Variants in PCDHA12 observed in about 807,000 individuals in gnomAD.
PCDHA12 encodes protocadherin alpha 12, also known as protocadherin alpha-12.
In PCDHA12, 44 loss-of-function variants were observed where a neutral mutation model predicts 60.0. The ratio of observed to expected loss-of-function variants is 0.73; its 90% confidence interval spans 0.58 to 0.94. PCDHA12 has a LOEUF of 0.94. Among genes scored for constraint, PCDHA12 ranks in the 40% least tolerant of loss-of-function variants. The pLI is 0.00. For synonymous variants in PCDHA12, 569 were observed against 553.0 expected (o/e 1.03, Z -0.40); for missense variants, 1,276 against 1,239.7 (o/e 1.03, Z -0.44).
At chr5:140,985,999 A>G (rs932659753) in intron 3 of PCDHA12, among the ~76,000 whole-genome samples, 10 of 152,104 alleles carry the variant, frequency 6.6e-5, no homozygotes, top group Non-Finnish European at 1.5e-4. Flanking sequence ...TCAGCCTCCC[A>G]AAGTGCTGGG....
intron 1 of PCDHA12, among the ~76,000 whole-genome samples, chr5:140,915,956 A>G (rs1170172761): frequency 6.6e-6 from 1 of 151,996 alleles, no homozygotes; most frequent in African/African-American, 2.4e-5. Flanking sequence ...ATACTTAGAA[A>G]TTTGCCTGAT....
At position 140,876,322 on chromosome 5, in the gene PCDHA12, A is replaced by G. The variant is rs146464308; in HGVS notation, c.850A>G (p.Ile284Val). The change falls in exon 1 of 4, where the codon ATT (isoleucine) becomes GTT (valine). Residue 284 changes from isoleucine to valine, a missense_variant. Coordinates refer to ENST00000398631, the MANE Select transcript of PCDHA12 (RefSeq NM_018903.4). ...NGEISYGIKM[I>V]LPVSEKCMFS... ...AGAAATTTCCTATGGGATCAAAATG[A>G]TTTTGCCAGTGAGTGAGAAATGTAT... 6.2e-7 allele frequency: 1 copy of G among 1,614,034 alleles called. No homozygotes were observed. The highest frequency in any genetic ancestry group is 8.5e-7 in the Non-Finnish European group (1 of 1,179,906).
intron 1 of PCDHA12, among the ~76,000 whole-genome samples, chr5:140,917,338 G>GGGGGGGGTGGGT (rs2078134893): frequency 7.3e-6 from 1 of 137,894 alleles, no homozygotes; most frequent in Non-Finnish European, 1.6e-5. Flanking sequence ...GGAGGGGGGG[G>GGGGGGGGTGGGT]ATGGTGTAGG....
In PCDHA12 at chr5:141,006,613, A is replaced by G. The variant is rs543043401; in HGVS notation, c.2516-3014A>G. 2.0e-5 allele frequency among the ~76,000 whole-genome samples: 3 copies of G among 152,308 alleles called. No individual in the cohort carries two copies. In the South Asian group the frequency reaches 6.2e-4, roughly 32 times the overall value. Reference sequence around the variant, plus strand: ...AGCAAAAGTGGAAGCAGACTGAATAAGGAGACTATTGCTGCAATTCATATA... The same window carrying G: ...AGCAAAAGTGGAAGCAGACTGAATAGGGAGACTATTGCTGCAATTCATATA... On this transcript the variant is annotated intron_variant, in intron 3 of 3. Coordinates refer to ENST00000398631, the MANE Select transcript of PCDHA12 (RefSeq NM_018903.4).
chr5:140,900,342 A>T (rs965236795), intron 1 of PCDHA12, among the ~76,000 whole-genome samples: 3 of 152,034 alleles, frequency 2.0e-5, no homozygotes, highest in South Asian at 2.1e-4. Context: ...CCGTGGCGCA[A>T]TCTTGGCTCA....
chr5:140,889,028 C>G (rs1015343865), intron 1 of PCDHA12, among the ~76,000 whole-genome samples: 1 of 151,754 alleles, frequency 6.6e-6, no homozygotes. Flanking sequence ...CTTGGATAAC[C>G]GTAATTTGAT....
intron 1 of PCDHA12, among the ~76,000 whole-genome samples, chr5:140,893,506 A>AT (rs1270469461): frequency 6.6e-6 from 1 of 152,170 alleles, no homozygotes; most frequent in African/African-American, 2.4e-5. Context: ...AGAAAAAAAA[A>AT]GCAGTTGTAG....
intron 3 of PCDHA12, among the ~76,000 whole-genome samples, chr5:140,983,479 G>A (rs1297150913): frequency 1.3e-5 from 2 of 152,194 alleles, no homozygotes; most frequent in Non-Finnish European, 2.9e-5. Context: ...GATAATAGTA[G>A]TTACTAATTA....
rs1255699815 is a variant in PCDHA12, at chr5:140,984,173, C to T, written c.2515+1610C>T. On this transcript the variant is annotated intron_variant, in intron 3 of 3. Transcript: ENST00000398631. The stretch of plus-strand genomic sequence containing the variant: ...AGGTGAGAACTTCCCAAAGAAGCCA[C>T]GTGAAATCATGACTTTCTACCTTGC... Among the ~76,000 whole-genome samples, 5 of 152,166 alleles carry T rather than the reference C, an allele frequency of 3.3e-5. No individual in the cohort carries two copies. The South Asian group carries it at 6.2e-4, about 19-fold the overall frequency.
At chr5:140,895,784 T>C (rs2065158516) in intron 1 of PCDHA12, among the ~76,000 whole-genome samples, 1 of 152,166 alleles carries the variant, frequency 6.6e-6, no homozygotes, top group Non-Finnish European at 1.5e-5. Flanking sequence ...TAGTATTCAA[T>C]GACGTATATG....
chr5:140,904,584 A>T (rs1434719463), intron 1 of PCDHA12, among the ~76,000 whole-genome samples: 1 of 152,088 alleles, frequency 6.6e-6, no homozygotes, highest in African/African-American at 2.4e-5. Context: ...GACACCCAGT[A>T]GTGGGACTGC....
intron 1 of PCDHA12, among the ~76,000 whole-genome samples, chr5:140,938,921 T>C (rs2092266107): frequency 6.6e-6 from 1 of 151,840 alleles, no homozygotes; most frequent in Non-Finnish European, 1.5e-5. Context: ...GCACAAGAAA[T>C]TGGCTTTTAA....
chr5:140,926,683 C>A, intron 1 of PCDHA12: 3 of 669,314 alleles, frequency 4.5e-6, no homozygotes, highest in Non-Finnish European at 6.7e-6. Context: ...AGCCTCCAGC[C>A]TAGCAAGCCC....
chr5:140,892,507 C>T (rs1261497068), intron 1 of PCDHA12, among the ~76,000 whole-genome samples: 1 of 152,162 alleles, frequency 6.6e-6, no homozygotes, highest in Non-Finnish European at 1.5e-5. Context: ...TTAAGAAGTT[C>T]CACCATGACT....
intron 1 of PCDHA12, among the ~76,000 whole-genome samples, chr5:140,916,434 C>T (rs1554197442): frequency 1.3e-5 from 2 of 152,184 alleles, no homozygotes; most frequent in Non-Finnish European, 2.9e-5. Context: ...AACCTAAGGC[C>T]CACAGTATAC....
intron 1 of PCDHA12, chr5:140,884,122 G>C: frequency 1.2e-6 from 2 of 1,613,306 alleles, no homozygotes. Flanking sequence ...CGGTCGGCGC[G>C]CGCATCCCGT....
Position 140,944,942 on chromosome 5 carries a change from T to C in PCDHA12, c.2368-34007T>C, listed in dbSNP as rs564740183. Among the ~76,000 whole-genome samples the C allele has an allele frequency of 2.0e-4, 31 of 152,326 alleles. No individual in the cohort carries two copies. The South Asian group carries it at 3.7e-3, about 18-fold the overall frequency. On this transcript the variant is annotated intron_variant, in intron 1 of 3. Coordinates refer to ENST00000398631, the MANE Select transcript of PCDHA12 (RefSeq NM_018903.4). ...ATTGGTTTATGCCTTCTTTAGATGATTGTGAATAAGAGTATTATCTTAACC... is the reference window on the plus strand; with the variant it reads ...ATTGGTTTATGCCTTCTTTAGATGACTGTGAATAAGAGTATTATCTTAACC...
chr5:140,974,832 T>C (rs114216401), intron 1 of PCDHA12, among the ~76,000 whole-genome samples: 60 of 152,346 alleles, frequency 3.9e-4, no homozygotes, highest in African/African-American at 1.4e-3. Context: ...ATAATGATTA[T>C]TTTAAATGTT....
intron 1 of PCDHA12, among the ~76,000 whole-genome samples, chr5:140,901,839 A>G (rs578262204): frequency 6.6e-6 from 1 of 152,226 alleles, no homozygotes; most frequent in Admixed American, 6.5e-5. Context: ...TAAACATGCA[A>G]TATCTTTCCA....
Sources: gnomAD v4.1 joint callset for allele counts (sites outside exome capture counted in the v4.1 genomes callset) on GRCh38, gnomAD v4.1.1 for gene constraint, MANE v1.5 for transcripts, NCBI Gene and HGNC (gene_info 2026-07-23, HGNC 2026-07-21) for gene names.